The following NDUFA10 variants were observed in gnomAD, a reference collection of about 807,000 sequenced individuals.
The protein encoded by NDUFA10 is NADH:ubiquinone oxidoreductase subunit A10.
In NDUFA10, 40 loss-of-function variants were observed where a neutral mutation model predicts 47.8. That is an observed-to-expected ratio of 0.84 (90% CI 0.65 to 1.09). NDUFA10 has a LOEUF of 1.09. Among genes scored for constraint, NDUFA10 ranks in the 50% least tolerant of loss-of-function variants. The pLI, the probability that NDUFA10 is intolerant of heterozygous loss-of-function variation, is 0.00. For missense variants in NDUFA10, 413 were observed against 451.1 expected (o/e 0.92, Z 0.76); for synonymous variants, 183 against 172.2 (o/e 1.06, Z -0.49).
chr2:239,948,038 G>A (rs1272006107), intron 4 of NDUFA10, among the ~76,000 whole-genome samples: 1 of 152,254 alleles, frequency 6.6e-6, no homozygotes, highest in Non-Finnish European at 1.5e-5. Flanking sequence ...TGGTGGTGAG[G>A]TGGAGGAGGT....
chr2:239,900,277 T>C (rs7583028), intron 4 of NDUFA10, among the ~76,000 whole-genome samples: 17,188 of 127,458 alleles, frequency 0.13, 1,245 homozygotes, highest in Middle Eastern at 0.26. Context: ...CTTCACCTTG[T>C]GATCGTGTGA....
At position 239,982,039 on chromosome 2, in the gene NDUFA10, A is replaced by C. The variant is rs150171006; in HGVS notation, c.999+8035T>G. 1,348 of 1,594,352 alleles carry C rather than the reference A, an allele frequency of 8.5e-4. 23 individuals carry two copies. In the South Asian group the frequency reaches 0.011, roughly 13 times the overall value. ...CGGCTGCCAACTACCTTCTGCTCTA[A>C]TAGTCACACGTTCTGTGGAATGTCC... On this transcript the variant is annotated intron_variant, in intron 9 of 9. Coordinates refer to ENST00000252711, the MANE Select transcript of NDUFA10 (RefSeq NM_004544.4).
intron 4 of NDUFA10, among the ~76,000 whole-genome samples, chr2:239,946,427 G>A (rs1010149633): frequency 2.6e-5 from 4 of 152,334 alleles, no homozygotes; most frequent in African/African-American, 9.6e-5. Flanking sequence ...TGTATGAGGT[G>A]CTGGGCCTGC....
At chr2:239,920,114 G>C (rs74002003) in intron 4 of NDUFA10, among the ~76,000 whole-genome samples, 7,019 of 152,286 alleles carry the variant, frequency 0.046, 454 homozygotes, top group African/African-American at 0.15. Flanking sequence ...TTGGGAGGTG[G>C]TCAGGGTTCA....
At chr2:239,896,146 G>A (rs556788447) in intron 4 of NDUFA10, among the ~76,000 whole-genome samples, 16 of 152,282 alleles carry the variant, frequency 1.1e-4, no homozygotes, top group Middle Eastern at 3.4e-3. Context: ...CTGGTCTCCC[G>A]TGCATCCTAG....
At chr2:240,010,462 CAGA>C (rs1697097450) in intron 6 of NDUFA10, among the ~76,000 whole-genome samples, 1 of 152,092 alleles carries the variant, frequency 6.6e-6, no homozygotes, top group African/African-American at 2.4e-5. Context: ...TTTTTGAAGC[CAGA>C]AGATCTCCAA....
At chr2:239,920,163 C>T (rs1693944906) in intron 4 of NDUFA10, among the ~76,000 whole-genome samples, 1 of 152,202 alleles carries the variant, frequency 6.6e-6, no homozygotes, top group African/African-American at 2.4e-5. Flanking sequence ...GGGACTGGGA[C>T]AGCAGAATGC....
intron 4 of NDUFA10, among the ~76,000 whole-genome samples, chr2:239,937,065 G>A (rs1202099533): frequency 2.6e-5 from 4 of 152,194 alleles, no homozygotes; most frequent in Admixed American, 6.5e-5. Context: ...CCCTCTTGAC[G>A]AATCAGGAGC....
At chr2:239,932,872 C>T (rs533784078) in intron 4 of NDUFA10, among the ~76,000 whole-genome samples, 21 of 152,338 alleles carry the variant, frequency 1.4e-4, no homozygotes, top group East Asian at 3.9e-4. Context: ...TGAGCCACCG[C>T]GCCTGGCCTC....
At position 239,987,757 on chromosome 2, in the gene NDUFA10, G is replaced by A. The variant is rs769229356; in HGVS notation, c.999+2317C>T. ...GGGCGAATGCGCAGGCAGAGCTGCCGAGCACAGCTCCGAACAGTCGCAGAT... is the reference window on the plus strand; with the variant it reads ...GGGCGAATGCGCAGGCAGAGCTGCCAAGCACAGCTCCGAACAGTCGCAGAT... On this transcript the variant is annotated intron_variant, in intron 9 of 9. Coordinates refer to ENST00000252711, the MANE Select transcript of NDUFA10 (RefSeq NM_004544.4). This position sits in a 1 kb window ranked among gnomAD's most constrained non-coding sequence, Gnocchi z 4.8. Among the ~76,000 whole-genome samples the A allele has an allele frequency of 2.6e-5, 4 of 152,206 alleles. No homozygotes were observed. Among genetic ancestry groups the A allele is most frequent in the South Asian group, 2.1e-4 (1 of 4,828 alleles).
At chr2:240,019,490 G>C (rs970787699) in intron 3 of NDUFA10, among the ~76,000 whole-genome samples, 2 of 152,156 alleles carry the variant, frequency 1.3e-5, no homozygotes, top group African/African-American at 2.4e-5. Context: ...TTTAAGAAAT[G>C]AGTAGTCAGA....
intron 1 of NDUFA10, among the ~76,000 whole-genome samples, chr2:240,023,044 G>A (rs993488363): frequency 1.3e-5 from 2 of 152,148 alleles, no homozygotes; most frequent in Non-Finnish European, 2.9e-5. Flanking sequence ...TATGCCATGT[G>A]CTGACTCTGT....
At chr2:240,003,400 C>T (rs549287332) in intron 8 of NDUFA10, among the ~76,000 whole-genome samples, 34 of 152,296 alleles carry the variant, frequency 2.2e-4, no homozygotes, top group African/African-American at 8.2e-4. Context: ...TTGAGTGCCC[C>T]GGCCATCCTT....
chr2:239,985,317 A>G lies in NDUFA10; in HGVS notation c.999+4757T>C, dbSNP rs367768148. Among the ~76,000 whole-genome samples the G allele has an allele frequency of 7.2e-5, 11 of 152,352 alleles. No individual in the cohort carries two copies. The East Asian group carries it at 1.2e-3, about 16-fold the overall frequency. ...TAATATCAGCAGTAAACTTGAAATT[A>G]TAACAATGAAAACTCTAGAATCAAA... is the stretch of plus-strand genomic sequence containing the variant. On this transcript the variant is annotated intron_variant, in intron 9 of 9. Transcript: ENST00000252711.
chr2:239,913,868 G>A (rs1693795351), intron 4 of NDUFA10, among the ~76,000 whole-genome samples: 1 of 152,206 alleles, frequency 6.6e-6, no homozygotes, highest in African/African-American at 2.4e-5. Context: ...CATCACCTCG[G>A]CGTGCAGGAG....
At chr2:239,897,373 GA>G (rs1469314856) in intron 4 of NDUFA10, among the ~76,000 whole-genome samples, 7 of 151,382 alleles carry the variant, frequency 4.6e-5, no homozygotes, top group African/African-American at 1.7e-4. Context: ...ACTCTTTAGG[GA>G]AAAAATACAT....
At position 239,898,989 on chromosome 2, in the gene NDUFA10, A is replaced by AGG. The variant is rs1693462819; in HGVS notation, c.295-3677_295-3676dup. The stretch of plus-strand genomic sequence containing the variant: ...GGTGTGATGAAGAGGTATGATGGAG[A>AGG]GGTGTGATGGAGAGGTGTGATGGAG... On this transcript the variant is annotated intron_variant, in intron 4 of 5. Transcript: ENST00000419408. Among the ~76,000 whole-genome samples the AGG allele has an allele frequency of 2.8e-5, 2 of 70,712 alleles. 1 individual carries two copies. Among genetic ancestry groups the AGG allele is most frequent in the Non-Finnish European group, 6.1e-5 (2 of 32,812 alleles). The allele number at this position is 70,712 out of a possible 152,430, so 46.4% of individuals were successfully genotyped here.
chr2:239,977,881 G>A (rs974040220), intron 9 of NDUFA10, among the ~76,000 whole-genome samples: 1 of 152,204 alleles, frequency 6.6e-6, no homozygotes, highest in Non-Finnish European at 1.5e-5. Context: ...CCTGGATGTA[G>A]GTTCTGTGCC....
intron 4 of NDUFA10, among the ~76,000 whole-genome samples, chr2:239,951,996 G>A (rs571822322): frequency 1.3e-4 from 20 of 152,370 alleles, no homozygotes; most frequent in African/African-American, 4.8e-4. Context: ...TAGGTGCTGT[G>A]GCATGGGTCC....
Sources: allele counts gnomAD v4.1 joint callset (sites outside exome capture counted in the v4.1 genomes callset), GRCh38; gene constraint gnomAD v4.1.1; non-coding constraint Gnocchi (gnomAD v3.1); transcripts MANE v1.5; gene names NCBI Gene and HGNC (gene_info 2026-07-23, HGNC 2026-07-21).